Variants in CCDC171 observed in about 807,000 individuals in gnomAD.
The protein encoded by CCDC171 is coiled-coil domain containing 171.
In CCDC171, 177 loss-of-function variants were observed where a neutral mutation model predicts 168.2. The observed-to-expected ratio is 1.05, with a 90% CI of 0.93 to 1.19. The LOEUF (loss-of-function observed/expected upper bound fraction) is 1.19. Among genes scored for constraint, CCDC171 ranks in the 50% most tolerant of loss-of-function variants. The pLI is 0.00. For missense variants in CCDC171, 1,991 were observed against 1,539.0 expected (o/e 1.29, Z -4.91); for synonymous variants, 687 against 540.8 (o/e 1.27, Z -3.75).
chr9:15,679,320 T>A (rs1229013640), intron 10 of CCDC171, among the ~76,000 whole-genome samples: 4 of 152,170 alleles, frequency 2.6e-5, no homozygotes, highest in Non-Finnish European at 4.4e-5. Flanking sequence ...CATCACCAAG[T>A]TTATCTTTGT....
chr9:15,861,132 A>T (rs370618488), intron 23 of CCDC171, among the ~76,000 whole-genome samples: 2 of 151,864 alleles, frequency 1.3e-5, no homozygotes, highest in East Asian at 1.9e-4. Flanking sequence ...AACTAATGGA[A>T]TATCTATTTC....
chr9:16,035,276 A>G (rs561462349), intron 6 of CCDC171, among the ~76,000 whole-genome samples: 2 of 152,382 alleles, frequency 1.3e-5, no homozygotes, highest in African/African-American at 4.8e-5. Context: ...ATGTTAATAC[A>G]TAATTAACAT....
chr9:15,736,575 C>T (rs933987398), intron 16 of CCDC171, among the ~76,000 whole-genome samples: 10 of 152,166 alleles, frequency 6.6e-5, no homozygotes, highest in African/African-American at 2.4e-4. Context: ...TGGCCCTGAA[C>T]TCCTGGGCTC....
At chr9:15,612,174 C>G (rs1186919384) in intron 6 of CCDC171, among the ~76,000 whole-genome samples, 1 of 152,150 alleles carries the variant, frequency 6.6e-6, no homozygotes, top group East Asian at 1.9e-4. Context: ...TATGGTATAT[C>G]TTGTTATGGC....
chr9:15,939,275 G>T (rs1827453775), intron 25 of CCDC171, among the ~76,000 whole-genome samples: 1 of 151,388 alleles, frequency 6.6e-6, no homozygotes, highest in South Asian at 2.1e-4. Flanking sequence ...CTTAGTTCAT[G>T]TACTTATATA....
chr9:15,900,385 A>G (rs1057261251), intron 24 of CCDC171, among the ~76,000 whole-genome samples: 1 of 152,134 alleles, frequency 6.6e-6, no homozygotes, highest in Non-Finnish European at 1.5e-5. Flanking sequence ...CAGCAAGAAA[A>G]TGGGGACTTC....
At chr9:16,056,863 A>G (rs1833850544) in intron 1 of CCDC171, among the ~76,000 whole-genome samples, 1 of 152,234 alleles carries the variant, frequency 6.6e-6, no homozygotes, top group Admixed American at 6.5e-5. Context: ...TGTTAAAGCA[A>G]TATAAGCATT....
intron 21 of CCDC171, among the ~76,000 whole-genome samples, chr9:15,833,012 G>A (rs2060299314): frequency 8.2e-6 from 1 of 121,264 alleles, no homozygotes; most frequent in African/African-American, 3.2e-5. Context: ...TTTTGAGATG[G>A]AGTCCTGCTC....
At chr9:16,008,657 C>G (rs970547792) in intron 3 of CCDC171, among the ~76,000 whole-genome samples, 2 of 152,194 alleles carry the variant, frequency 1.3e-5, no homozygotes, top group Non-Finnish European at 2.9e-5. Flanking sequence ...CTGCCCCTCT[C>G]CTTGCATCGC....
chr9:15,727,399 T>C (rs1238770825), intron 14 of CCDC171, among the ~76,000 whole-genome samples: 2 of 152,238 alleles, frequency 1.3e-5, no homozygotes, highest in Non-Finnish European at 2.9e-5. Context: ...ATAACTTTTT[T>C]TCATCAGAGT....
chr9:16,107,815 T>TA, the CCDC171 span, among the ~76,000 whole-genome samples: 2 of 152,190 alleles, frequency 1.3e-5, no homozygotes, highest in East Asian at 3.8e-4. Context: ...GCCTATGTCT[T>TA]AATCATTTTC....
chr9:15,932,246 G>A (rs1247118180), intron 25 of CCDC171, among the ~76,000 whole-genome samples: 3 of 151,752 alleles, frequency 2.0e-5, no homozygotes, highest in Non-Finnish European at 4.4e-5. Flanking sequence ...CCATGAACAT[G>A]GGATATCTTT....
the CCDC171 span, among the ~76,000 whole-genome samples, chr9:16,088,805 A>C: frequency 6.0e-3 from 910 of 152,326 alleles, 5 homozygotes; most frequent in Non-Finnish European, 9.9e-3. Context: ...TTATAGATTC[A>C]TTGCCATCCT....
intron 3 of CCDC171, among the ~76,000 whole-genome samples, chr9:16,020,271 T>G (rs371604349): frequency 1.3e-5 from 2 of 152,368 alleles, no homozygotes; most frequent in East Asian, 3.9e-4. Context: ...ACGAATTTCA[T>G]GTTTATACTT....
In CCDC171 at chr9:15,678,806, C is replaced by T. The variant is rs200523149; in HGVS notation, c.1125C>T (p.Ile375=). The T allele has an allele frequency of 1.1e-4, 170 of 1,592,854 alleles. No homozygotes were observed. The African/African-American group carries it at 1.8e-3, about 17-fold the overall frequency. The change falls in exon 10 of 26, where the codon ATC becomes ATT. Residue 375 remains isoleucine, a synonymous_variant. Coordinates refer to ENST00000380701, the MANE Select transcript of CCDC171 (RefSeq NM_173550.4). ...AAAATAAGAAACTAAATGAAGACAT[C>T]GAGGAACAGAAGAAAGTAATTATAG... ...FSKNKKLNED[I]EEQKKVIIDL...
chr9:15,578,853 C>G lies in CCDC171; in HGVS notation c.182C>G (p.Ala61Gly). 3 of 1,611,056 alleles carry G rather than the reference C, an allele frequency of 1.9e-6. No homozygotes were observed. The highest frequency in any genetic ancestry group is 2.5e-6 in the Non-Finnish European group (3 of 1,178,664). The change falls in exon 4 of 26, where the codon GCA becomes GGA. Residue 61 changes from alanine (A) to glycine (G), a missense_variant. Coordinates refer to ENST00000380701, the MANE Select transcript of CCDC171 (RefSeq NM_173550.4). The stretch of plus-strand genomic sequence containing the variant: ...ATATCAGGAATCTGTTTTTAGCTGG[C>G]AAGCTATGAGAGCCAGATTGCCAAG... ...EITTKHNAEL[A>G]SYESQIAKLR...
At chr9:15,597,812 T>A (rs1301825373) in intron 6 of CCDC171, among the ~76,000 whole-genome samples, 1 of 152,156 alleles carries the variant, frequency 6.6e-6, no homozygotes, top group African/African-American at 2.4e-5. Context: ...AATTATTGCC[T>A]CAATTTCAGA....
chr9:15,645,864 A>G (rs1587702901), intron 7 of CCDC171, among the ~76,000 whole-genome samples: 1 of 152,226 alleles, frequency 6.6e-6, no homozygotes, highest in East Asian at 1.9e-4. Flanking sequence ...CTAGTGAGGC[A>G]GGCCAACATT....
chr9:15,711,572 C>T (rs1278088715), intron 11 of CCDC171, among the ~76,000 whole-genome samples: 5 of 152,044 alleles, frequency 3.3e-5, no homozygotes, highest in Admixed American at 1.3e-4. Context: ...ATCAAGTGTG[C>T]ATTATAAGAT....
Sources: allele counts gnomAD v4.1 joint callset (sites outside exome capture counted in the v4.1 genomes callset), GRCh38; gene constraint gnomAD v4.1.1; transcripts MANE v1.5; gene names NCBI Gene and HGNC (gene_info 2026-07-23, HGNC 2026-07-21).